GRID2: variants seen among roughly 807,000 people sequenced by gnomAD.
GRID2 encodes glutamate receptor ionotropic, delta-2.
GRID2 carries 33 observed loss-of-function variants against 114.8 expected under a neutral mutation model. The ratio of observed to expected loss-of-function variants is 0.29; its 90% CI spans 0.22 to 0.38. GRID2 has a LOEUF of 0.38. Ranked by LOEUF, GRID2 falls within the 10% of genes least tolerant of loss-of-function variation. The pLI, the probability that GRID2 is intolerant of heterozygous loss-of-function variation, is 1.00. For synonymous variants in GRID2, 505 were observed against 449.9 expected (o/e 1.12, Z -1.55); for missense variants, 1,184 against 1,257.7 (o/e 0.94, Z 0.89).
intron 4 of GRID2, among the ~76,000 whole-genome samples, chr4:93,148,434 C>A (rs1391075322): frequency 2.0e-5 from 3 of 151,898 alleles, no homozygotes; most frequent in Non-Finnish European, 4.4e-5. Flanking sequence ...ATAGAAGAGA[C>A]CTTGCGTGAA....
chr4:92,569,224 T>A lies in GRID2; in HGVS notation c.89-20907T>A, dbSNP rs543203017. Among the ~76,000 whole-genome samples the A allele has an allele frequency of 1.3e-4, 20 of 152,172 alleles. No individual in the cohort carries two copies. In the South Asian group the frequency reaches 4.1e-3, roughly 32 times the overall value. ...ACGTATAAGTGAGAAAAGGTGGCACTTGGTTCTCTGTTCCTGAATTAGTTT... is the reference window on the plus strand; with the variant it reads ...ACGTATAAGTGAGAAAAGGTGGCACATGGTTCTCTGTTCCTGAATTAGTTT... On this transcript the variant is annotated intron_variant, in intron 1 of 15. Coordinates refer to ENST00000282020, the MANE Select transcript of GRID2 (RefSeq NM_001510.4).
At chr4:92,807,930 C>A (rs1325562469) in intron 2 of GRID2, among the ~76,000 whole-genome samples, 1 of 151,898 alleles carries the variant, frequency 6.6e-6, no homozygotes, top group Admixed American at 6.6e-5. Flanking sequence ...ATGTTCTAAT[C>A]CCCAAAACCT....
At chr4:92,610,082 C>G (rs1463422820) in intron 2 of GRID2, among the ~76,000 whole-genome samples, 2 of 151,618 alleles carry the variant, frequency 1.3e-5, no homozygotes, top group African/African-American at 4.8e-5. Flanking sequence ...CATTTCATAC[C>G]TTTCCTTGAT....
chr4:92,945,389 T>A (rs2149545179), intron 2 of GRID2, among the ~76,000 whole-genome samples: 1 of 152,280 alleles, frequency 6.6e-6, no homozygotes, highest in African/African-American at 2.4e-5. Flanking sequence ...AGCTGTTTTT[T>A]TTTCCCAATG....
intron 4 of GRID2, among the ~76,000 whole-genome samples, chr4:93,143,328 T>C (rs1030826642): frequency 1.3e-5 from 2 of 152,200 alleles, no homozygotes; most frequent in Non-Finnish European, 2.9e-5. Flanking sequence ...AATTATTTCA[T>C]AAATATAACA....
At chr4:93,716,857 T>C (rs1329004136) in intron 14 of GRID2, among the ~76,000 whole-genome samples, 1 of 152,102 alleles carries the variant, frequency 6.6e-6, no homozygotes, top group Non-Finnish European at 1.5e-5. Context: ...ACTTTATAAA[T>C]GTATTCAAAG....
chr4:92,575,827 C>T (rs977762434), intron 1 of GRID2, among the ~76,000 whole-genome samples: 88 of 152,290 alleles, frequency 5.8e-4, no homozygotes, highest in African/African-American at 1.9e-3. Flanking sequence ...TGGCCACCCC[C>T]GTTGTTCTCC....
At chr4:93,318,052 G>A (rs1239875687) in intron 8 of GRID2, among the ~76,000 whole-genome samples, 3 of 135,702 alleles carry the variant, frequency 2.2e-5, no homozygotes, top group African/African-American at 5.3e-5. Context: ...TTGGTGAAGA[G>A]CATCTAACCT....
chr4:92,708,654 C>G (rs879820992), intron 2 of GRID2, among the ~76,000 whole-genome samples: 1 of 152,104 alleles, frequency 6.6e-6, no homozygotes, highest in Non-Finnish European at 1.5e-5. Context: ...AATAAAATTT[C>G]TGATTTTCAG....
intron 13 of GRID2, among the ~76,000 whole-genome samples, chr4:93,548,821 A>T (rs964858019): frequency 1.3e-5 from 2 of 152,188 alleles, no homozygotes; most frequent in African/African-American, 4.8e-5. Context: ...ATGGAGTAGA[A>T]CTAATGTACT....
At position 93,774,512 on chromosome 4, in the gene GRID2, G is replaced by T. The variant is rs942245626; in HGVS notation, c.*2014G>T. 4.6e-5 allele frequency: 7 copies of T among 152,068 alleles called. No individual in the cohort carries two copies. Among genetic ancestry groups the T allele is most frequent in the Non-Finnish European group, 1.0e-4 (7 of 67,974 alleles). 9.4% of individuals were successfully genotyped at this position (152,068 alleles called of 1,614,324 possible). A position where few individuals can be genotyped will look rare whatever the true frequency, so the allele number is the denominator to read the frequency against. On this transcript the variant is annotated 3_prime_UTR_variant, in exon 16 of 16. Transcript: ENST00000282020. ...AGTTATGAGTGACAGAGCTTTCTGT[G>T]TATAATTTGTCTAAATAATTTGTCT... is the stretch of plus-strand genomic sequence containing the variant.
chr4:92,480,768 G>C (rs1419969449), intron 1 of GRID2, among the ~76,000 whole-genome samples: 1 of 152,102 alleles, frequency 6.6e-6, no homozygotes, highest in Non-Finnish European at 1.5e-5. Context: ...CAGAAATTAA[G>C]GTGTAGGCAT....
chr4:93,127,537 T>C (rs1386120467), intron 4 of GRID2, among the ~76,000 whole-genome samples: 1 of 152,242 alleles, frequency 6.6e-6, no homozygotes, highest in Non-Finnish European at 1.5e-5. Flanking sequence ...CAGACACTGC[T>C]GTATGTGTAT....
At chr4:93,109,297 A>C (rs911823517) in intron 3 of GRID2, among the ~76,000 whole-genome samples, 1 of 152,230 alleles carries the variant, frequency 6.6e-6, no homozygotes, top group Non-Finnish European at 1.5e-5. Context: ...TAAGAAATGT[A>C]AGATAGAATT....
At chr4:93,793,426 C>A (rs995779508) in intron 1 of GRID2, among the ~76,000 whole-genome samples, 2 of 152,102 alleles carry the variant, frequency 1.3e-5, no homozygotes, top group Admixed American at 1.3e-4. Flanking sequence ...TGTTCTAGAA[C>A]AATGCCCTGA....
chr4:93,580,892 C>A (rs1160048120), intron 13 of GRID2, among the ~76,000 whole-genome samples: 1 of 127,384 alleles, frequency 7.9e-6, no homozygotes, highest in Non-Finnish European at 1.6e-5. Context: ...TATATATATA[C>A]AATTTAACTT....
intron 14 of GRID2, among the ~76,000 whole-genome samples, chr4:93,768,099 C>T (rs896014861): frequency 5.3e-5 from 8 of 152,100 alleles, no homozygotes; most frequent in Admixed American, 2.0e-4. Flanking sequence ...TGTATACACC[C>T]GAGCTCACTC....
At chr4:93,469,315 A>T (rs1381018701) in intron 11 of GRID2, among the ~76,000 whole-genome samples, 4 of 152,118 alleles carry the variant, frequency 2.6e-5, no homozygotes, top group African/African-American at 9.6e-5. Context: ...TTGGAAAGAA[A>T]TATACATATA....
At chr4:93,646,551 A>T (rs1578470868) in intron 14 of GRID2, among the ~76,000 whole-genome samples, 1 of 152,304 alleles carries the variant, frequency 6.6e-6, no homozygotes, top group East Asian at 1.9e-4. Context: ...AATGGCAAAG[A>T]CAAGCCATTG....
Sources: allele counts gnomAD v4.1 joint callset (sites outside exome capture counted in the v4.1 genomes callset), GRCh38; gene constraint gnomAD v4.1.1; transcripts MANE v1.5; gene names NCBI Gene and HGNC (gene_info 2026-07-23, HGNC 2026-07-21).